Variants in SPAG9 observed in about 807,000 individuals in gnomAD.
The protein encoded by SPAG9 is sperm associated antigen 9, also known as C-Jun-amino-terminal kinase-interacting protein 4.
A neutral mutation model predicts 166.5 loss-of-function variants in SPAG9; 35 were observed. That is an observed-to-expected ratio of 0.21 (90% CI 0.16 to 0.28). The LOEUF (loss-of-function observed/expected upper bound fraction) is 0.28, where lower values mean the gene tolerates loss of function less well. Ranked by LOEUF, SPAG9 falls within the 10% of genes least tolerant of loss-of-function variation. The pLI, the probability that SPAG9 is intolerant of heterozygous loss-of-function variation, is 1.00. For synonymous variants in SPAG9, 534 were observed against 565.5 expected (o/e 0.94, Z 0.79); for missense variants, 1,235 against 1,603.3 (o/e 0.77, Z 3.92).
At chr17:51,040,809 G>A (rs1598064294) in intron 5 of SPAG9, among the ~76,000 whole-genome samples, 1 of 152,026 alleles carries the variant, frequency 6.6e-6, no homozygotes, top group African/African-American at 2.4e-5. Context: ...CATTGCAGGT[G>A]GCCTGTTTCA....
At position 51,016,995 on chromosome 17, in the gene SPAG9, G is replaced by C. The variant is rs188104138; in HGVS notation, c.1092-2642C>G. 3.9e-5 allele frequency among the ~76,000 whole-genome samples: 6 copies of C among 152,344 alleles called. No individual in the cohort carries two copies. In the East Asian group the frequency reaches 9.6e-4, roughly 24 times the overall value. On this transcript the variant is annotated intron_variant, in intron 8 of 29. Transcript: ENST00000262013. ...CAGATTAATTTTATATAGTCATACT[G>C]ATATAAATAATGAATTTAACTAACA...
intron 1 of SPAG9, among the ~76,000 whole-genome samples, chr17:51,092,898 A>G (rs2048508360): frequency 6.6e-6 from 1 of 151,970 alleles, no homozygotes; most frequent in African/African-American, 2.4e-5. Flanking sequence ...TGATCACACC[A>G]CTGCACGCCT....
intron 20 of SPAG9, chr17:50,990,088 C>A (rs1025455040): frequency 1.7e-6 from 1 of 574,478 alleles, no homozygotes; most frequent in South Asian, 2.0e-5. Flanking sequence ...AGTGCGGCGG[C>A]GTGATCTTGG....
chr17:50,962,186 T>C lies in SPAG9; in HGVS notation c.*4086A>G, dbSNP rs1373227485. ...ACACTAGACCTCATACATGTTCATA[T>C]ACATATTTATATATATCTCATGTAC... On this transcript the variant is annotated 3_prime_UTR_variant, in exon 30 of 30. Transcript: ENST00000262013. 1 of 152,216 alleles carries C rather than the reference T, an allele frequency of 6.6e-6. No homozygotes were observed. The highest frequency in any genetic ancestry group is 1.5e-5 in the Non-Finnish European group (1 of 68,044). 9.4% of individuals were successfully genotyped at this position (152,216 alleles called of 1,614,324 possible). A position where few individuals can be genotyped will look rare whatever the true frequency, so the allele number is the denominator to read the frequency against.
intron 6 of SPAG9, 118 bp downstream of exon 6, chr17:51,031,563 A>G: frequency 1.3e-6 from 1 of 769,068 alleles, no homozygotes; most frequent in South Asian, 1.6e-5. Flanking sequence ...TCAGTGAATT[A>G]CAACAATAGT....
At chr17:51,035,430 A>G (rs1350075444) in intron 5 of SPAG9, among the ~76,000 whole-genome samples, 1 of 152,228 alleles carries the variant, frequency 6.6e-6, no homozygotes, top group East Asian at 1.9e-4. Flanking sequence ...TTTAAATTAC[A>G]TATGCATTTT....
intron 15 of SPAG9, among the ~76,000 whole-genome samples, chr17:50,997,003 G>A (rs979028553): frequency 2.0e-5 from 3 of 152,190 alleles, no homozygotes; most frequent in Non-Finnish European, 2.9e-5. Flanking sequence ...AGCCAGGCAC[G>A]GTAGTGCGGA....
chr17:51,117,240 T>C (rs79450647), intron 1 of SPAG9, among the ~76,000 whole-genome samples: 6 of 152,298 alleles, frequency 3.9e-5, no homozygotes, highest in South Asian at 2.1e-4. Context: ...CAAGAGATCA[T>C]AGCACCTCAC....
chr17:50,987,370 C>CTCTAAA, intron 21 of SPAG9, 133 bp from the exon 22 acceptor site: 1 of 776,730 alleles, frequency 1.3e-6, no homozygotes, highest in Non-Finnish European at 1.9e-6. Context: ...GATAGGGTAT[C>CTCTAAA]ACTCTGTCAC....
chr17:50,976,009 C>T (rs1426746183), intron 27 of SPAG9: 11 of 814,024 alleles, frequency 1.4e-5, no homozygotes, highest in African/African-American at 1.2e-4. Flanking sequence ...ACCTGGTGCT[C>T]AAAGCCCCTA....
At chr17:51,029,299 C>A (rs1195285950) in intron 6 of SPAG9, among the ~76,000 whole-genome samples, 1 of 152,174 alleles carries the variant, frequency 6.6e-6, no homozygotes, top group African/African-American at 2.4e-5. Context: ...TGGCCCCCAT[C>A]AGGATGACCA....
Position 50,996,592 on chromosome 17 carries a change from G to T in SPAG9, c.1941C>A (p.Gly647=). ...QKEDGRVQAF[G]WSLPQKYKQV... Reference sequence around the variant, plus strand: ...GTTTGTACTTCTGAGGCAGACTCCAGCCAAAAGCCTGCACTCTACCGTCTT... The same window carrying T: ...GTTTGTACTTCTGAGGCAGACTCCATCCAAAAGCCTGCACTCTACCGTCTT... The change falls in exon 16 of 30, where the codon GGC becomes GGA. Residue 647 remains glycine (G), a synonymous_variant. Transcript: ENST00000262013. 1 of 1,614,088 alleles carries T rather than the reference G, an allele frequency of 6.2e-7. No individual in the cohort carries two copies.
Position 51,112,947 on chromosome 17 carries a change from C to A in SPAG9, c.303+7407G>T, listed in dbSNP as rs552372352. ...CCATGATTGCACAACTGCACTCCAG[C>A]CTGAACCTCATCTCTAAAAAAAAGA... On this transcript the variant is annotated intron_variant, in intron 1 of 29. Coordinates refer to ENST00000262013, the MANE Select transcript of SPAG9 (RefSeq NM_001130528.3). Among the ~76,000 whole-genome samples the A allele has an allele frequency of 2.4e-4, 35 of 147,360 alleles. 1 individual carries two copies. The highest frequency in any genetic ancestry group is 1.8e-4 in the Non-Finnish European group (12 of 67,206).
chr17:51,088,202 G>C (rs2048351645), intron 1 of SPAG9, among the ~76,000 whole-genome samples: 1 of 152,186 alleles, frequency 6.6e-6, no homozygotes, highest in South Asian at 2.1e-4. Flanking sequence ...ATAGTTAAGA[G>C]ACTAGGAAAA....
At position 51,070,147 on chromosome 17, in the gene SPAG9, A is replaced by T. The variant is rs117493948; in HGVS notation, c.424+9437T>A. 3.8e-3 allele frequency among the ~76,000 whole-genome samples: 572 copies of T among 152,258 alleles called. 2 individuals carry two copies. The highest frequency in any genetic ancestry group is 0.01 in the Middle Eastern group (3 of 294). On this transcript the variant is annotated intron_variant, in intron 2 of 29. Coordinates refer to ENST00000262013, the MANE Select transcript of SPAG9 (RefSeq NM_001130528.3). ...CAAATTAAGAAGTACTCACTAAAAA[A>T]AAAATATCACTGTCATCTAAATCTT...
chr17:50,995,030 A>T, intron 18 of SPAG9, 27 bp downstream of exon 18: 2 of 1,570,696 alleles, frequency 1.3e-6, no homozygotes, highest in Non-Finnish European at 8.7e-7. Flanking sequence ...CTCATAAACC[A>T]GGTCAAATGT....
At chr17:51,079,852 A>G (rs1158222859) in intron 1 of SPAG9, 148 bp from the exon 2 acceptor site, 4 of 555,866 alleles carry the variant, frequency 7.2e-6, no homozygotes, top group East Asian at 3.0e-5. Flanking sequence ...TAGTTTTTCT[A>G]TAAAAATTAA....
At chr17:50,982,325 C>T (rs1316652951) in intron 25 of SPAG9, among the ~76,000 whole-genome samples, 199 bp downstream of exon 25, 1 of 152,206 alleles carries the variant, frequency 6.6e-6, no homozygotes, top group Non-Finnish European at 1.5e-5. Context: ...TTTTAAAAAG[C>T]CACTTTCTAC....
intron 27 of SPAG9, chr17:50,975,231 A>G: frequency 3.3e-6 from 1 of 301,786 alleles, no homozygotes; most frequent in East Asian, 8.0e-5. Flanking sequence ...TTTAGTTAAA[A>G]AAAAAACAAA....
Sources: allele counts gnomAD v4.1 joint callset (sites outside exome capture counted in the v4.1 genomes callset), GRCh38; gene constraint gnomAD v4.1.1; transcripts MANE v1.5; gene names NCBI Gene and HGNC (gene_info 2026-07-23, HGNC 2026-07-21).